The following IGF1R variants were observed in gnomAD, a reference collection of about 807,000 sequenced individuals.
The protein encoded by IGF1R is insulin-like growth factor 1 receptor.
In IGF1R, 44 loss-of-function variants were observed where a neutral mutation model predicts 144.6. The observed-to-expected ratio is 0.30, with a 90% CI of 0.24 to 0.39. The LOEUF is 0.39. IGF1R is among the 10% of genes least tolerant of loss of function. The probability of loss-of-function intolerance (pLI) is 1.00; values close to 1 mark genes in which losing one functional copy is unlikely to be tolerated. For missense variants in IGF1R, 1,355 were observed against 1,833.7 expected, an observed-to-expected ratio of 0.74 and a Z score of 4.77; for synonymous variants, 795 against 722.8, an observed-to-expected ratio of 1.10 and a Z score of -1.60.
intron 2 of IGF1R, among the ~76,000 whole-genome samples, chr15:98,805,246 G>A (rs987922834): frequency 3.9e-5 from 6 of 152,014 alleles, no homozygotes; most frequent in African/African-American, 1.4e-4. Flanking sequence ...TGCCAGAGTT[G>A]GCCAGCTAAG....
chr15:98,949,570 C>G (rs867269196), intron 20 of IGF1R, among the ~76,000 whole-genome samples: 5 of 152,086 alleles, frequency 3.3e-5, no homozygotes, highest in Middle Eastern at 3.2e-3. Flanking sequence ...GGGGTTTTAC[C>G]ATATTGGCCA....
intron 1 of IGF1R, among the ~76,000 whole-genome samples, chr15:98,691,045 C>T (rs2053464062): frequency 6.6e-6 from 1 of 152,202 alleles, no homozygotes; most frequent in Non-Finnish European, 1.5e-5. Context: ...CTCTTAACAG[C>T]TTCGCCTCTG....
intron 2 of IGF1R, among the ~76,000 whole-genome samples, chr15:98,810,663 C>T (rs1454955182): frequency 3.3e-5 from 5 of 151,976 alleles, no homozygotes; most frequent in African/African-American, 7.2e-5. Context: ...ATTCTTCTGC[C>T]TCAACCTCCC....
intron 2 of IGF1R, among the ~76,000 whole-genome samples, chr15:98,885,449 C>T (rs1263308510): frequency 1.3e-5 from 2 of 152,130 alleles, no homozygotes; most frequent in African/African-American, 2.4e-5. Flanking sequence ...CCTCTCCTGG[C>T]AAGGCAAGAG....
In IGF1R at chr15:98,698,406, A is replaced by G. The variant is rs1371892800; in HGVS notation, c.95-9156A>G. Among the ~76,000 whole-genome samples the G allele has an allele frequency of 2.6e-5, 4 of 152,180 alleles. 1 individual carries two copies. Among genetic ancestry groups the G allele is most frequent in the Non-Finnish European group, 5.9e-5 (4 of 68,044 alleles). ...ACACTGCTGTCCAATCAATCTCTAGAACACTTTTCATCTTGAAAAACGGAA... is the reference window on the plus strand; with the variant it reads ...ACACTGCTGTCCAATCAATCTCTAGGACACTTTTCATCTTGAAAAACGGAA... On this transcript the variant is annotated intron_variant, in intron 1 of 20. Coordinates refer to ENST00000650285, the MANE Select transcript of IGF1R (RefSeq NM_000875.5).
intron 2 of IGF1R, among the ~76,000 whole-genome samples, chr15:98,795,402 T>TG (rs1376901146): frequency 4.0e-4 from 61 of 151,170 alleles, no homozygotes; most frequent in South Asian, 8.3e-4. Flanking sequence ...TTCTTTCTTG[T>TG]TTTTTGTTTT....
At chr15:98,693,780 A>AT (rs754534158) in intron 1 of IGF1R, among the ~76,000 whole-genome samples, 54 of 152,014 alleles carry the variant, frequency 3.6e-4, no homozygotes, top group Non-Finnish European at 5.7e-4. Flanking sequence ...TCATTTTTGT[A>AT]TTTTTAGTAG....
chr15:98,882,538 T>C (rs2013434067), intron 2 of IGF1R, among the ~76,000 whole-genome samples: 1 of 152,234 alleles, frequency 6.6e-6, no homozygotes, highest in Admixed American at 6.5e-5. Flanking sequence ...GCATAAGTGC[T>C]TGTTGCTTGT....
chr15:98,924,769 T>C lies in IGF1R; in HGVS notation c.2782+85T>C, dbSNP rs1276997146. 4.0e-6 allele frequency: 5 copies of C among 1,240,618 alleles called. No homozygotes were observed. The African/African-American group carries it at 7.5e-5, about 19-fold the overall frequency. The allele number at this position is 1,240,618 out of a possible 1,614,324, so 76.9% of individuals were successfully genotyped here. A position where few individuals can be genotyped will look rare whatever the true frequency, so the allele number is the denominator to read the frequency against. On this transcript the variant is annotated intron_variant, in intron 13 of 20. Coordinates refer to ENST00000650285, the MANE Select transcript of IGF1R (RefSeq NM_000875.5). ...AGGACAGCCCGAGTGTTCATGGCTG[T>C]CTTATTTTCTGTTAAAATGGAGTTG...
intron 20 of IGF1R, among the ~76,000 whole-genome samples, chr15:98,956,596 A>C (rs560637487): frequency 1.1e-4 from 16 of 152,306 alleles, no homozygotes; most frequent in Non-Finnish European, 2.4e-4. Context: ...AACCGGAGAG[A>C]GAGCACTGTT....
intron 2 of IGF1R, among the ~76,000 whole-genome samples, chr15:98,710,559 A>G (rs1375977388): frequency 6.6e-6 from 1 of 152,080 alleles, no homozygotes. Flanking sequence ...TCTGTACACC[A>G]TTTCATTAAT....
intron 2 of IGF1R, among the ~76,000 whole-genome samples, chr15:98,821,814 C>T (rs1233951801): frequency 6.6e-6 from 1 of 152,140 alleles, no homozygotes; most frequent in African/African-American, 2.4e-5. Flanking sequence ...GAAAGGTGAG[C>T]AGGAATTAGC....
In IGF1R at chr15:98,894,110, T is replaced by C. The variant is rs945022068; in HGVS notation, c.953+2473T>C. 2.0e-5 allele frequency among the ~76,000 whole-genome samples: 3 copies of C among 152,218 alleles called. No homozygotes were observed. In the South Asian group the frequency reaches 6.2e-4, roughly 32 times the overall value. ...TTTTCTCTTTGATAGACTCTGGCTG[T>C]GTCACCCAGGCTGGAGTGCAGTGGC... On this transcript the variant is annotated intron_variant, in intron 3 of 20. Transcript: ENST00000650285.
chr15:98,797,210 T>A (rs944354958), intron 2 of IGF1R, among the ~76,000 whole-genome samples: 3 of 152,240 alleles, frequency 2.0e-5, no homozygotes, highest in Admixed American at 2.0e-4. Flanking sequence ...GGAAGTCACC[T>A]GATGTCCATG....
intron 2 of IGF1R, among the ~76,000 whole-genome samples, chr15:98,786,117 T>A (rs1392084483): frequency 6.6e-6 from 1 of 152,176 alleles, no homozygotes; most frequent in Non-Finnish European, 1.5e-5. Context: ...GCCTTGTTAA[T>A]CTCAGACATG....
At position 98,935,155 on chromosome 15, in the gene IGF1R, C is replaced by A; in HGVS notation, c.3186+102C>A. 1 of 1,083,498 alleles carries A rather than the reference C, an allele frequency of 9.2e-7. No individual in the cohort carries two copies. The highest frequency in any genetic ancestry group is 1.4e-6 in the Non-Finnish European group (1 of 715,934). 67.1% of individuals were successfully genotyped at this position (1,083,498 alleles called of 1,614,324 possible). Reference sequence around the variant, plus strand: ...CTGCATGTACCCGTGGGTTTGGTGTCTTGCCTTTGCCTTCTGGATAGTTAC... The same window carrying A: ...CTGCATGTACCCGTGGGTTTGGTGTATTGCCTTTGCCTTCTGGATAGTTAC... On this transcript the variant is annotated intron_variant, in intron 16 of 20. Transcript: ENST00000650285. The surrounding 1 kb of genome is among the most constrained non-coding windows in gnomAD (Gnocchi z 4.2).
At chr15:98,675,826 C>CTTTTTTTTTTTT (rs869068918) in intron 1 of IGF1R, among the ~76,000 whole-genome samples, 3 of 46,156 alleles carry the variant, frequency 6.5e-5, no homozygotes, top group Middle Eastern at 0.013. Flanking sequence ...TTCTTTCTTT[C>CTTTTTTTTTTTT]TTTTTTTTTT....
At position 98,959,665 on chromosome 15, in the gene IGF1R, C is replaced by G. The variant is rs2017147194; in HGVS notation, c.*2223C>G. ...TTGTTTCATTTTTAGCACTTCTCAC[C>G]AGAGAGATGACAGCACAAGAGTTGC... On this transcript the variant is annotated 3_prime_UTR_variant, in exon 21 of 21. Coordinates refer to ENST00000650285, the MANE Select transcript of IGF1R (RefSeq NM_000875.5). 4.3e-6 allele frequency: 1 copy of G among 233,488 alleles called. No homozygotes were observed. Among genetic ancestry groups the G allele is most frequent in the Non-Finnish European group, 8.5e-6 (1 of 118,014 alleles). The allele number at this position is 233,488 out of a possible 1,614,324, so 14.5% of individuals were successfully genotyped here. A position where few individuals can be genotyped will look rare whatever the true frequency, so the allele number is the denominator to read the frequency against.
chr15:98,706,815 T>A (rs2053874251), intron 1 of IGF1R, among the ~76,000 whole-genome samples: 1 of 136,394 alleles, frequency 7.3e-6, no homozygotes, highest in Non-Finnish European at 1.6e-5. Flanking sequence ...AGATCGTTGA[T>A]GATTTTTACT....
Sources: gnomAD v4.1 joint callset for allele counts (sites outside exome capture counted in the v4.1 genomes callset) on GRCh38, gnomAD v4.1.1 for gene constraint, Gnocchi (gnomAD v3.1) non-coding constraint, MANE v1.5 for transcripts, NCBI Gene and HGNC (gene_info 2026-07-23, HGNC 2026-07-21) for gene names.